The following PITPNC1 variants were observed in gnomAD, a reference collection of about 807,000 sequenced individuals.
PITPNC1 encodes phosphatidylinositol transfer protein cytoplasmic 1.
Under a neutral mutation model 44.7 loss-of-function variants are expected in PITPNC1, and 18 were observed. That is an observed-to-expected ratio of 0.40 (90% CI 0.28 to 0.60). The LOEUF is 0.60. Among genes scored for constraint, PITPNC1 ranks in the 20% least tolerant of loss-of-function variants. The pLI, the probability that PITPNC1 is intolerant of heterozygous loss-of-function variation, is 0.39. For synonymous variants in PITPNC1, 141 were observed against 149.6 expected (o/e 0.94, Z 0.42); for missense variants, 290 against 418.4 (o/e 0.69, Z 2.68).
intron 2 of PITPNC1, among the ~76,000 whole-genome samples, chr17:67,542,386 G>C (rs2706691): frequency 0.95 from 144,223 of 152,320 alleles, 68,338 homozygotes; most frequent in East Asian, 0.99. Context: ...TCATCACAAC[G>C]TAGAGCCACC....
intron 1 of PITPNC1, among the ~76,000 whole-genome samples, chr17:67,435,917 T>G (rs1265748305): frequency 1.3e-5 from 2 of 152,166 alleles, no homozygotes; most frequent in African/African-American, 4.8e-5. Flanking sequence ...AAAAATAAGT[T>G]GGGGTCCTGT....
chr17:67,462,523 T>G (rs1327714540), intron 1 of PITPNC1, among the ~76,000 whole-genome samples: 1 of 136,234 alleles, frequency 7.3e-6, no homozygotes, highest in Non-Finnish European at 1.6e-5. Context: ...TGAGCCACCG[T>G]GCCTGGCTGC....
chr17:67,498,955 T>G (rs1465195316), intron 1 of PITPNC1, among the ~76,000 whole-genome samples: 1 of 151,182 alleles, frequency 6.6e-6, no homozygotes, highest in Non-Finnish European at 1.5e-5. Flanking sequence ...TATTGCAACC[T>G]CTGCCTCCCA....
At chr17:67,458,414 C>T (rs1011396966) in intron 1 of PITPNC1, among the ~76,000 whole-genome samples, 1 of 152,130 alleles carries the variant, frequency 6.6e-6, no homozygotes, top group African/African-American at 2.4e-5. Flanking sequence ...TCAGATCTGT[C>T]TTCCATTTTA....
At chr17:67,533,010 G>C in intron 2 of PITPNC1, 60 bp downstream of exon 2, 1 of 1,377,338 alleles carries the variant, frequency 7.3e-7, no homozygotes, top group Non-Finnish European at 1.0e-6. Flanking sequence ...CCCATGGTGT[G>C]ACAGTGGAGG....
intron 2 of PITPNC1, among the ~76,000 whole-genome samples, chr17:67,535,825 C>A (rs4538046): frequency 6.6e-6 from 1 of 152,098 alleles, no homozygotes; most frequent in East Asian, 1.9e-4. Flanking sequence ...GGAAGGGCAT[C>A]GGGGGGACAT....
chr17:67,425,684 G>C (rs2038754300), intron 1 of PITPNC1, among the ~76,000 whole-genome samples: 1 of 133,670 alleles, frequency 7.5e-6, no homozygotes. Context: ...ACCACGCTTG[G>C]CTAATTAAAA....
rs2042602661 is a variant in PITPNC1 at position 67,676,299 on chromosome 17, C to T, written c.682+757C>T. Among the ~76,000 whole-genome samples the T allele has an allele frequency of 1.3e-5, 2 of 152,106 alleles. No homozygotes were observed. The highest frequency in any genetic ancestry group is 2.9e-5 in the Non-Finnish European group (2 of 68,028). ...AAGGGCAGACAGAGGCATAGGTGCC[C>T]CGTTCATCCTAATTGAAACTATTGT... On this transcript the variant is annotated intron_variant, in intron 8 of 8. Transcript: ENST00000581322. This position sits in a 1 kb window ranked among gnomAD's most constrained non-coding sequence, Gnocchi z 4.0.
chr17:67,474,493 C>T (rs141935347), intron 1 of PITPNC1, among the ~76,000 whole-genome samples: 1 of 152,202 alleles, frequency 6.6e-6, no homozygotes, highest in East Asian at 1.9e-4. Context: ...CATCCCTGGC[C>T]TCTACCCTCT....
intron 1 of PITPNC1, among the ~76,000 whole-genome samples, chr17:67,496,797 A>G (rs916980930): frequency 2.6e-5 from 4 of 152,184 alleles, no homozygotes; most frequent in Non-Finnish European, 4.4e-5. Flanking sequence ...TCAAAAATGG[A>G]AAAGTAGGTT....
At chr17:67,606,164 T>C (rs1598878324) in intron 5 of PITPNC1, among the ~76,000 whole-genome samples, 2 of 152,256 alleles carry the variant, frequency 1.3e-5, no homozygotes, top group South Asian at 4.2e-4. Context: ...AGCGAGGGAA[T>C]TATTTCGTAG....
chr17:67,499,135 A>G (rs8078825), intron 1 of PITPNC1, among the ~76,000 whole-genome samples: 71,790 of 151,972 alleles, frequency 0.47, 17,035 homozygotes, highest in East Asian at 0.62. Flanking sequence ...CAGCCTCTCA[A>G]AGTGCTGGGA....
intron 1 of PITPNC1, among the ~76,000 whole-genome samples, chr17:67,398,795 T>C (rs2038260778): frequency 6.6e-6 from 1 of 152,068 alleles, no homozygotes; most frequent in South Asian, 2.1e-4. Flanking sequence ...TCATTGCACG[T>C]CACAATCCGA....
chr17:67,683,947 C>A (rs536572067), intron 8 of PITPNC1, among the ~76,000 whole-genome samples: 1 of 142,754 alleles, frequency 7.0e-6, no homozygotes, highest in East Asian at 2.1e-4. Flanking sequence ...CAGTGCACTT[C>A]AGCCTGGGTG....
chr17:67,667,335 C>G (rs1567768099), intron 6 of PITPNC1, among the ~76,000 whole-genome samples: 1 of 151,842 alleles, frequency 6.6e-6, no homozygotes. Flanking sequence ...TTGAGACTAG[C>G]CTGGGCAACA....
chr17:67,616,265 C>T (rs1477201819), intron 5 of PITPNC1, among the ~76,000 whole-genome samples: 5 of 152,066 alleles, frequency 3.3e-5, no homozygotes, highest in Non-Finnish European at 5.9e-5. Flanking sequence ...CTCAGCCTCC[C>T]GGGTACCTGG....
chr17:67,690,607 G>T (rs897285514), intron 8 of PITPNC1, among the ~76,000 whole-genome samples: 4 of 152,040 alleles, frequency 2.6e-5, no homozygotes, highest in African/African-American at 7.3e-5. Context: ...ACATGGCAGT[G>T]GACAAGAAAC....
At chr17:67,447,678 T>G (rs942994510) in intron 1 of PITPNC1, among the ~76,000 whole-genome samples, 14 of 151,460 alleles carry the variant, frequency 9.2e-5, no homozygotes, top group Non-Finnish European at 1.9e-4. Context: ...GGGTCTCTTT[T>G]TTGGTGCCTC....
At chr17:67,506,000 A>G (rs1038725798) in intron 1 of PITPNC1, among the ~76,000 whole-genome samples, 2 of 152,004 alleles carry the variant, frequency 1.3e-5, no homozygotes, top group Non-Finnish European at 2.9e-5. Context: ...CCAGTTGTTG[A>G]TCCTCCATTG....
Sources: allele counts gnomAD v4.1 joint callset (sites outside exome capture counted in the v4.1 genomes callset), GRCh38; gene constraint gnomAD v4.1.1; non-coding constraint Gnocchi (gnomAD v3.1); transcripts MANE v1.5; gene names NCBI Gene and HGNC (gene_info 2026-07-23, HGNC 2026-07-21).